The following CFAP251 variants were observed in gnomAD, a reference collection of about 807,000 sequenced individuals.
The protein encoded by CFAP251 is cilia and flagella associated protein 251, also known as cilia- and flagella-associated protein 251.
A neutral mutation model predicts 126.7 loss-of-function variants in CFAP251; 93 were observed. That is an observed-to-expected ratio of 0.73 (90% CI 0.62 to 0.87). The LOEUF is 0.87. Ranked by LOEUF, CFAP251 falls within the 40% of genes least tolerant of loss-of-function variation. The pLI is 0.00. For synonymous variants in CFAP251, 503 were observed against 506.9 expected, an observed-to-expected ratio of 0.99 and a Z score of 0.10; for missense variants, 1,287 against 1,389.2, an observed-to-expected ratio of 0.93 and a Z score of 1.17.
intron 17 of CFAP251, 143 bp from the exon 18 acceptor site, chr12:121,975,101 C>A: frequency 1.6e-6 from 1 of 627,336 alleles, no homozygotes; most frequent in Non-Finnish European, 2.8e-6. Context: ...TTTAAAGGAC[C>A]TTTTCTTAAC....
At chr12:121,968,560 G>A (rs1182562640) in intron 17 of CFAP251, among the ~76,000 whole-genome samples, 5 of 152,168 alleles carry the variant, frequency 3.3e-5, no homozygotes, top group Admixed American at 2.6e-4. Flanking sequence ...TGCCCTGAAT[G>A]GAGAACCTCT....
chr12:121,992,270 C>G (rs564257751), intron 19 of CFAP251: 6 of 985,342 alleles, frequency 6.1e-6, no homozygotes. Context: ...AGTAGCAGAA[C>G]CTGCCTTTTC....
intron 19 of CFAP251, among the ~76,000 whole-genome samples, chr12:121,991,734 C>A (rs1204860090): frequency 1.3e-5 from 2 of 152,292 alleles, no homozygotes; most frequent in African/African-American, 4.8e-5. Context: ...TGGCTCATTC[C>A]TGTAATCCCA....
intron 17 of CFAP251, among the ~76,000 whole-genome samples, chr12:121,970,549 C>T (rs367704908): frequency 6.6e-6 from 1 of 152,196 alleles, no homozygotes; most frequent in Non-Finnish European, 1.5e-5. Context: ...GTGTGCTTGC[C>T]ACAGGGCTGA....
intron 7 of CFAP251, chr12:121,947,694 G>T (rs1293191733): frequency 6.6e-6 from 1 of 152,196 alleles, no homozygotes; most frequent in Non-Finnish European, 1.5e-5. Flanking sequence ...TTCGTCCAAA[G>T]AAGACTGACT....
At chr12:121,935,369 C>T (rs1880851306) in intron 5 of CFAP251, among the ~76,000 whole-genome samples, 1 of 152,182 alleles carries the variant, frequency 6.6e-6, no homozygotes, top group Non-Finnish European at 1.5e-5. Flanking sequence ...CACCCAGGTT[C>T]CCACATTAGT....
At chr12:121,926,543 G>C (rs898744445) in intron 3 of CFAP251, among the ~76,000 whole-genome samples, 3 of 151,608 alleles carry the variant, frequency 2.0e-5, no homozygotes, top group Non-Finnish European at 4.4e-5. Flanking sequence ...TCTCAGGCTG[G>C]CCTTGAACTC....
In CFAP251 at chr12:121,957,292, A is replaced by G. The variant is rs1881758982; in HGVS notation, c.1730+24A>G. 4 of 1,585,344 alleles carry G rather than the reference A, an allele frequency of 2.5e-6. No homozygotes were observed. The South Asian group carries it at 3.5e-5, about 14-fold the overall frequency. On this transcript the variant is annotated intron_variant, in intron 11 of 21. Transcript: ENST00000288912. ...AGGTAAGTTGTTAATGAATCTAGTC[A>G]TTAGAATGGTTGAAAAATGATCACT...
chr12:121,962,198 G>A, intron 15 of CFAP251, 36 bp downstream of exon 15: 1 of 1,594,962 alleles, frequency 6.3e-7, no homozygotes, highest in Non-Finnish European at 8.5e-7. Context: ...AGGGGGCGTG[G>A]ATCAAGTTCT....
At chr12:121,933,008 A>G (rs1880752136) in intron 4 of CFAP251, 1 of 152,352 alleles carries the variant, frequency 6.6e-6, no homozygotes, top group Non-Finnish European at 1.5e-5. Flanking sequence ...TTGACCATCC[A>G]TTCGTTTCAC....
At chr12:121,991,424 T>G (rs1458978585) in intron 19 of CFAP251, among the ~76,000 whole-genome samples, 1 of 152,208 alleles carries the variant, frequency 6.6e-6, no homozygotes. Context: ...ACCCCTGTGG[T>G]CTAAGAGCAG....
At chr12:121,921,058 AG>A (rs1444091290) in intron 1 of CFAP251, among the ~76,000 whole-genome samples, 2 of 151,888 alleles carry the variant, frequency 1.3e-5, no homozygotes, top group Non-Finnish European at 2.9e-5. Context: ...CATGTTGGCC[AG>A]GCTGGTCTCA....
chr12:121,925,374 A>T (rs1565901462), intron 3 of CFAP251, among the ~76,000 whole-genome samples: 1 of 152,186 alleles, frequency 6.6e-6, no homozygotes, highest in African/African-American at 2.4e-5. Context: ...CTGTAGATTC[A>T]TGCCTTTGGA....
intron 5 of CFAP251, among the ~76,000 whole-genome samples, chr12:121,934,868 G>A (rs962854863): frequency 1.8e-4 from 27 of 152,178 alleles, no homozygotes; most frequent in African/African-American, 5.5e-4. Context: ...GTGCGTTGGC[G>A]CAATCATAGC....
intron 3 of CFAP251, among the ~76,000 whole-genome samples, chr12:121,926,021 ATT>A (rs35760212): frequency 0.59 from 57,162 of 97,634 alleles, 16,733 homozygotes; most frequent in African/African-American, 0.74. Flanking sequence ...ATTTTTTGTA[ATT>A]TTTTTTTTTT....
intron 19 of CFAP251, among the ~76,000 whole-genome samples, chr12:121,980,178 G>A (rs572369288): frequency 3.9e-5 from 6 of 152,314 alleles, no homozygotes; most frequent in South Asian, 2.1e-4. Flanking sequence ...CCAGGCGTGG[G>A]CACTCTCCTT....
chr12:121,977,975 A>G (rs575502942), intron 19 of CFAP251, among the ~76,000 whole-genome samples: 1 of 151,796 alleles, frequency 6.6e-6, no homozygotes, highest in South Asian at 2.1e-4. Flanking sequence ...ATAAAAATAA[A>G]TAAATAAATA....
intron 4 of CFAP251, chr12:121,932,909 A>T (rs1880747449): frequency 6.6e-6 from 1 of 152,670 alleles, no homozygotes; most frequent in East Asian, 1.9e-4. Context: ...GCAGGCTCAG[A>T]TAGTCAGGGG....
rs557545161 is a variant in CFAP251, at chr12:121,970,002, C to T, written c.2771+1833C>T. The stretch of plus-strand genomic sequence containing the variant: ...TGGTGACTTAATATGATCAGCACTT[C>T]ACTAATGGAGAGAAATGTAAAAAAC... On this transcript the variant is annotated intron_variant, in intron 17 of 21. Transcript: ENST00000288912. The T allele has an allele frequency of 2.4e-5, 23 of 964,406 alleles. No homozygotes were observed. The African/African-American group carries it at 3.7e-4, about 15-fold the overall frequency. 59.7% of individuals were successfully genotyped at this position (964,406 alleles called of 1,614,324 possible).
Sources: allele counts gnomAD v4.1 joint callset (sites outside exome capture counted in the v4.1 genomes callset), GRCh38; gene constraint gnomAD v4.1.1; transcripts MANE v1.5; gene names NCBI Gene and HGNC (gene_info 2026-07-23, HGNC 2026-07-21).